Variants in CFAP161 observed in about 807,000 individuals in gnomAD.
CFAP161 encodes cilia and flagella associated protein 161.
In CFAP161, 25 loss-of-function variants were observed where a neutral mutation model predicts 29.0. The ratio of observed to expected loss-of-function variants is 0.86; its 90% confidence interval spans 0.63 to 1.20. The LOEUF (loss-of-function observed/expected upper bound fraction) is 1.20, where lower values mean the gene tolerates loss of function less well. CFAP161 is among the 50% of genes most tolerant of loss of function. The probability of loss-of-function intolerance (pLI) is 0.00; values close to 1 mark genes in which losing one functional copy is unlikely to be tolerated. For missense variants in CFAP161, 367 were observed against 371.9 expected (o/e 0.99, Z 0.11); for synonymous variants, 116 against 137.4 (o/e 0.84, Z 1.09).
intron 5 of CFAP161, 24 bp downstream of exon 5, chr15:81,143,844 T>G: frequency 6.2e-7 from 1 of 1,605,768 alleles, no homozygotes; most frequent in Admixed American, 1.7e-5. Context: ...CGGGAAGACA[T>G]GGGTGTCTAG....
intron 1 of CFAP161, among the ~76,000 whole-genome samples, chr15:81,118,612 G>A (rs1294242672): frequency 1.3e-5 from 2 of 152,330 alleles, no homozygotes; most frequent in East Asian, 3.9e-4. Context: ...CGCTAAACCC[G>A]GGAGACCAAA....
At chr15:81,114,076 C>G (rs1894467715) in intron 1 of CFAP161, among the ~76,000 whole-genome samples, 1 of 152,172 alleles carries the variant, frequency 6.6e-6, no homozygotes, top group Non-Finnish European at 1.5e-5. Flanking sequence ...AACAAATATA[C>G]TAGCAAACAA....
chr15:81,131,991 C>T (rs568939318), upstream of CFAP161, among the ~76,000 whole-genome samples: 13 of 152,158 alleles, frequency 8.5e-5, no homozygotes, highest in East Asian at 2.5e-3. Context: ...ATAATGGAGG[C>T]CATGGCTGGG....
chr15:81,119,213 T>C (rs1894538746), intron 1 of CFAP161, among the ~76,000 whole-genome samples: 1 of 152,176 alleles, frequency 6.6e-6, no homozygotes, highest in African/African-American at 2.4e-5. Context: ...TAATTATAGA[T>C]GACAAAAACT....
At chr15:81,112,205 T>C (rs916818668) in intron 1 of CFAP161, among the ~76,000 whole-genome samples, 1 of 152,174 alleles carries the variant, frequency 6.6e-6, no homozygotes, top group Non-Finnish European at 1.5e-5. Context: ...TTTTTTTTTT[T>C]TCTTTACTAC....
At chr15:81,112,381 C>CTAG (rs1894449634) in intron 1 of CFAP161, among the ~76,000 whole-genome samples, 1 of 152,060 alleles carries the variant, frequency 6.6e-6, no homozygotes, top group Admixed American at 6.6e-5. Flanking sequence ...TTCTTTCCTG[C>CTAG]CAGATGTTTT....
At chr15:81,122,042 G>A (rs1894580633) in intron 1 of CFAP161, among the ~76,000 whole-genome samples, 1 of 152,220 alleles carries the variant, frequency 6.6e-6, no homozygotes, top group Admixed American at 6.5e-5. Context: ...CAGAGGACAT[G>A]ATCTCATTCT....
chr15:81,105,171 C>CCCTT (rs1894353555), intron 1 of CFAP161, among the ~76,000 whole-genome samples: 1 of 55,754 alleles, frequency 1.8e-5, no homozygotes, highest in South Asian at 6.7e-4. Context: ...CTTCCTTCCT[C>CCCTT]CCTCCCTTCC....
In CFAP161 at chr15:81,136,864, C is replaced by T. The variant is rs562300386; in HGVS notation, c.392+116C>T. On this transcript the variant is annotated intron_variant, in intron 3 of 6. Coordinates refer to ENST00000286732, the MANE Select transcript of CFAP161 (RefSeq NM_173528.4). ...AGGGAAAGGTTTTGTGAACATTTTT[C>T]GTGATTTTCATCTTGCTTTGCTTAC... 117 of 838,758 alleles carry T rather than the reference C, an allele frequency of 1.4e-4. 1 individual carries two copies. In the African/African-American group the frequency reaches 1.4e-3, roughly 10 times the overall value. The allele number at this position is 838,758 out of a possible 1,614,324, so 52.0% of individuals were successfully genotyped here. A position where few individuals can be genotyped will look rare whatever the true frequency, so the allele number is the denominator to read the frequency against.
chr15:81,106,336 A>C (rs749752306), intron 1 of CFAP161, among the ~76,000 whole-genome samples: 7 of 152,210 alleles, frequency 4.6e-5, no homozygotes, highest in Non-Finnish European at 1.0e-4. Context: ...ACAATAATTT[A>C]ATAGGCTTCC....
chr15:81,142,906 G>T (rs1278000745), intron 4 of CFAP161, among the ~76,000 whole-genome samples: 2 of 152,104 alleles, frequency 1.3e-5, no homozygotes, highest in East Asian at 3.8e-4. Context: ...ATTCCAGAGG[G>T]GTGTGGGTCA....
intron 1 of CFAP161, among the ~76,000 whole-genome samples, chr15:81,123,758 C>T (rs902111876): frequency 4.6e-5 from 7 of 152,110 alleles, no homozygotes; most frequent in South Asian, 4.1e-4. Context: ...CTTCACTTCT[C>T]TCGTTAGCTG....
rs560442681 is a variant in CFAP161, at chr15:81,106,168, A to G, written c.-141-21422A>G. 2.0e-5 allele frequency among the ~76,000 whole-genome samples: 3 copies of G among 152,334 alleles called. No homozygotes were observed. The South Asian group carries it at 6.2e-4, about 32-fold the overall frequency. Reference sequence around the variant, plus strand: ...GTCTTGATAGATGAGTAGAAATCACACGGAGAAGAAGGGTCTTGAGAAAGT... The same window carrying G: ...GTCTTGATAGATGAGTAGAAATCACGCGGAGAAGAAGGGTCTTGAGAAAGT... On this transcript the variant is annotated intron_variant, in intron 1 of 4. Coordinates refer to the CFAP161 transcript ENST00000560091.
intron 1 of CFAP161, among the ~76,000 whole-genome samples, chr15:81,134,887 T>C (rs1894781752): frequency 6.6e-6 from 1 of 152,128 alleles, no homozygotes. Flanking sequence ...CTCCCAAGGG[T>C]GGTCTTAACA....
chr15:81,137,622 C>T (rs1213275072), intron 3 of CFAP161, among the ~76,000 whole-genome samples: 2 of 152,152 alleles, frequency 1.3e-5, no homozygotes, highest in Non-Finnish European at 2.9e-5. Flanking sequence ...ATTTAGATTT[C>T]CTTTGAATAC....
intron 1 of CFAP161, among the ~76,000 whole-genome samples, chr15:81,126,019 A>G (rs551687829): frequency 6.6e-6 from 1 of 152,234 alleles, no homozygotes; most frequent in South Asian, 2.1e-4. Flanking sequence ...ACAGATGCAC[A>G]TCACCATGCC....
At chr15:81,116,035 T>A (rs1315007527) in intron 1 of CFAP161, among the ~76,000 whole-genome samples, 3 of 152,140 alleles carry the variant, frequency 2.0e-5, no homozygotes, top group African/African-American at 7.2e-5. Context: ...TGTTTTCTTA[T>A]GTTGTAAACA....
chr15:81,136,699 G>T lies in CFAP161; in HGVS notation c.343G>T (p.Ala115Ser). Residue 115 changes from alanine to serine, a missense_variant, in exon 3 of 7, where the codon GCA becomes TCA. By Grantham distance (99) the Ala-to-Ser change is moderately conservative. Coordinates refer to ENST00000286732, the MANE Select transcript of CFAP161 (RefSeq NM_173528.4). ...DELEVPCGLS[A>S]VQAKTPIGRN... is the part of the protein sequence containing the mutation. ...ATTAGAGGTACCCTGTGGCCTGAGC[G>T]CAGTTCAAGCCAAGACCCCAATTGG... 3 of 1,614,078 alleles carry T rather than the reference G, an allele frequency of 1.9e-6. No homozygotes were observed. Among genetic ancestry groups the T allele is most frequent in the Non-Finnish European group, 1.7e-6 (2 of 1,180,012 alleles).
intron 1 of CFAP161, among the ~76,000 whole-genome samples, chr15:81,112,316 T>G (rs1021615356): frequency 1.3e-5 from 2 of 152,156 alleles, no homozygotes; most frequent in Non-Finnish European, 2.9e-5. Flanking sequence ...AATATCTGAA[T>G]TTTGTCCCAC....
Sources: allele counts gnomAD v4.1 joint callset (sites outside exome capture counted in the v4.1 genomes callset), GRCh38; gene constraint gnomAD v4.1.1; transcripts MANE v1.5; gene names NCBI Gene and HGNC (gene_info 2026-07-23, HGNC 2026-07-21).